Variants in EPG5 observed in about 807,000 individuals in gnomAD.
EPG5 encodes the protein ectopic P-granules 5 autophagy tethering factor.
EPG5 carries 159 observed loss-of-function variants against 302.7 expected under a neutral mutation model. The observed-to-expected ratio is 0.53, with a 90% CI of 0.46 to 0.60. The LOEUF is 0.60. EPG5 is among the 20% of genes least tolerant of loss of function. The pLI, the probability that EPG5 is intolerant of heterozygous loss-of-function variation, is 0.00. For synonymous variants in EPG5, 1,158 were observed against 1,136.8 expected (o/e 1.02, Z -0.37); for missense variants, 2,896 against 3,092.4 (o/e 0.94, Z 1.51).
intron 27 of EPG5, among the ~76,000 whole-genome samples, chr18:45,898,363 G>C (rs942821139): frequency 9.9e-5 from 15 of 152,142 alleles, no homozygotes; most frequent in South Asian, 2.1e-4. Context: ...TATGATAAAG[G>C]CCACCTTGCA....
At chr18:45,937,204 T>C in intron 10 of EPG5, among the ~76,000 whole-genome samples, 1 of 143,526 alleles carries the variant, frequency 7.0e-6, no homozygotes, top group South Asian at 2.2e-4. Flanking sequence ...TGGCAGACAT[T>C]CAGGAAGTCT....
At position 45,852,473 on chromosome 18, in the gene EPG5, T is replaced by C; in HGVS notation, c.7734A>G (p.Ile2578Met). The C allele has an allele frequency of 6.2e-7, 1 of 1,613,628 alleles. No homozygotes were observed. Among genetic ancestry groups the C allele is most frequent in the African/African-American group, 1.3e-5 (1 of 75,004 alleles). Reference protein sequence around the residue: ...LYPEVHYLDHIR With the variant: ...LYPEVHYLDHMR Reference sequence around the variant, plus strand: ...TCAAGAGCCTCAGTGTTAACTATCGTATGTGGTCCAAATAATGCACTTCTG... The same window carrying C: ...TCAAGAGCCTCAGTGTTAACTATCGCATGTGGTCCAAATAATGCACTTCTG... Residue 2578 changes from isoleucine to methionine, a missense_variant, in exon 44 of 44, where the codon ATA (isoleucine) becomes ATG (methionine). Coordinates refer to ENST00000282041, the MANE Select transcript of EPG5 (RefSeq NM_020964.3).
chr18:45,951,277 GTGTTTTTGGGGGAAT>G (rs1197935691), intron 3 of EPG5, 39 bp from the exon 4 acceptor site: 5 of 1,363,520 alleles, frequency 3.7e-6, no homozygotes, highest in Non-Finnish European at 4.8e-6. Context: ...CTCATAAATG[GTGTTTTTGGGGGAAT>G]TTTTAGTGTC....
rs1172025423 is a variant in EPG5 at position 45,935,786 on chromosome 18, C to T, written c.2100-820G>A. ...AACAAAGTTCAAATTCCTCAGCCCACATTCAAAGGCTTCCACAGTATGGCT... is the reference window on the plus strand; with the variant it reads ...AACAAAGTTCAAATTCCTCAGCCCATATTCAAAGGCTTCCACAGTATGGCT... On this transcript the variant is annotated intron_variant, in intron 10 of 43. Coordinates refer to ENST00000282041, the MANE Select transcript of EPG5 (RefSeq NM_020964.3). 2.0e-5 allele frequency among the ~76,000 whole-genome samples: 3 copies of T among 152,192 alleles called. No individual in the cohort carries two copies. The East Asian group carries it at 5.8e-4, about 29-fold the overall frequency.
chr18:45,803,728 A>C, the EPG5 span, among the ~76,000 whole-genome samples: 1 of 152,316 alleles, frequency 6.6e-6, no homozygotes, highest in South Asian at 2.1e-4. Context: ...TCTAAGGGTG[A>C]AAGAACAAAA....
the EPG5 span, among the ~76,000 whole-genome samples, chr18:45,827,400 A>G: frequency 5.9e-5 from 9 of 152,170 alleles, no homozygotes; most frequent in Admixed American, 3.3e-4. Context: ...CTGACAGGGA[A>G]GGAGCTATCT....
At chr18:45,836,189 G>A in the EPG5 span, among the ~76,000 whole-genome samples, 2 of 152,110 alleles carry the variant, frequency 1.3e-5, no homozygotes, top group African/African-American at 4.8e-5. Flanking sequence ...TGGGCTTGGG[G>A]TCAGAAAAGT....
At position 45,913,842 on chromosome 18, in the gene EPG5, A is replaced by T; in HGVS notation, c.3694-14T>A. ...GGCAAACCAGACCTATAATGACACC[A>T]GATAAAGGGGAGGGGAAGGAGGAGC... On this transcript the variant is annotated splice_polypyrimidine_tract_variant and intron_variant, in intron 20 of 43. Transcript: ENST00000282041. 6.2e-7 allele frequency: 1 copy of T among 1,612,574 alleles called. No individual in the cohort carries two copies. Among genetic ancestry groups the T allele is most frequent in the Non-Finnish European group, 8.5e-7 (1 of 1,179,500 alleles).
intron 28 of EPG5, among the ~76,000 whole-genome samples, chr18:45,889,558 C>T (rs1713105597): frequency 6.6e-6 from 1 of 152,122 alleles, no homozygotes. Context: ...CCACTCAATC[C>T]TTCTGCTGCA....
intron 36 of EPG5, 51 bp from the exon 37 acceptor site, chr18:45,867,799 T>C (rs758718712): frequency 6.8e-7 from 1 of 1,461,852 alleles, no homozygotes; most frequent in Non-Finnish European, 9.4e-7. Flanking sequence ...TATCTATGTA[T>C]CTGGAAAATG....
At position 45,904,129 on chromosome 18, in the gene EPG5, C is replaced by G. The variant is rs770404883; in HGVS notation, c.4330-12G>C. ...TCCATCCACAGATCCTGAAACAGAA[C>G]GACAGTACTTTAACTCTGACAGACA... On this transcript the variant is annotated splice_polypyrimidine_tract_variant and intron_variant, in intron 24 of 43. Coordinates refer to ENST00000282041, the MANE Select transcript of EPG5 (RefSeq NM_020964.3). 5.6e-6 allele frequency: 9 copies of G among 1,606,156 alleles called. No homozygotes were observed. In the Admixed American group the frequency reaches 1.6e-4, roughly 28 times the overall value.
Position 45,878,437 on chromosome 18 carries a change from G to A in EPG5, c.5881C>T (p.Leu1961=), listed in dbSNP as rs528443920. ...TASRKTVLKS[L]HSVIIQLFKP... ...AAGAGCTGAATGATTACTGAATGTA[G>A]GGATTTCAGCACTAAAAAGTTTTAG... Residue 1961 remains leucine, a synonymous_variant, in exon 34 of 44, where the codon CTA becomes TTA. Coordinates refer to ENST00000282041, the MANE Select transcript of EPG5 (RefSeq NM_020964.3). 6.2e-7 allele frequency: 1 copy of A among 1,611,258 alleles called. No individual in the cohort carries two copies. Among genetic ancestry groups the A allele is most frequent in the South Asian group, 1.1e-5 (1 of 90,970 alleles).
At chr18:45,930,929 C>T in intron 11 of EPG5, 99 bp from the exon 12 acceptor site, 2 of 1,162,116 alleles carry the variant, frequency 1.7e-6, no homozygotes, top group Non-Finnish European at 2.3e-6. Context: ...TTTAAAGATA[C>T]AAAAGGTCTT....
At chr18:45,936,571 T>C (rs1303303907) in intron 10 of EPG5, among the ~76,000 whole-genome samples, 1 of 151,596 alleles carries the variant, frequency 6.6e-6, no homozygotes, top group East Asian at 1.9e-4. Flanking sequence ...CTACTAAAAA[T>C]ATAAAAATTA....
chr18:45,938,985 G>A (rs117874729), intron 10 of EPG5, among the ~76,000 whole-genome samples: 2,109 of 152,294 alleles, frequency 0.014, 32 homozygotes, highest in Admixed American at 0.018. Flanking sequence ...ATCTCCTAGC[G>A]GAGGGCATAA....
intron 34 of EPG5, among the ~76,000 whole-genome samples, chr18:45,876,786 A>AT (rs887769565): frequency 3.4e-3 from 501 of 146,536 alleles, no homozygotes; most frequent in African/African-American, 9.0e-3. Context: ...AGCAAATAAA[A>AT]TTTTTTTTTT....
At chr18:45,930,861 G>T in intron 11 of EPG5, 31 bp from the exon 12 acceptor site, 1 of 1,548,712 alleles carries the variant, frequency 6.5e-7, no homozygotes, top group East Asian at 2.3e-5. Context: ...AATTAGAGTG[G>T]GGAAAGAATA....
chr18:45,920,555 A>C (rs928772892), intron 16 of EPG5, among the ~76,000 whole-genome samples: 2 of 152,364 alleles, frequency 1.3e-5, no homozygotes, highest in South Asian at 2.1e-4. Flanking sequence ...GGCTGCGTCC[A>C]CACATGGCAG....
rs1309399920 is a variant in EPG5, at chr18:45,870,742, T to C, written c.6050A>G (p.Asp2017Gly). Reference protein sequence around the residue: ...CIDSLHESFKDKLLPGDAGAL... With the variant: ...CIDSLHESFKGKLLPGDAGAL... ...TCCTGCATCACCTGGCAACAGCTTA[T>C]CTAGAATGTGAAAAGAAAATAGAGC... Residue 2017 changes from aspartate (D) to glycine (G), a missense_variant and splice_region_variant, in exon 36 of 44, where the codon GAT (aspartate) becomes GGT (glycine). Physicochemically the swap from Asp to Gly is moderately conservative, Grantham distance 94. This residue lies in a region of EPG5 where 620 missense variants were observed against 704.2 expected (regional missense o/e 0.88). Coordinates refer to ENST00000282041, the MANE Select transcript of EPG5 (RefSeq NM_020964.3). The C allele has an allele frequency of 6.3e-7, 1 of 1,584,402 alleles. No individual in the cohort carries two copies. Among genetic ancestry groups the C allele is most frequent in the Admixed American group, 1.7e-5 (1 of 58,418 alleles).
Sources: gnomAD v4.1 joint callset for allele counts (sites outside exome capture counted in the v4.1 genomes callset) on GRCh38, gnomAD v4.1.1 for gene constraint, gnomAD v4.1.1 regional missense constraint, MANE v1.5 for transcripts, NCBI Gene and HGNC (gene_info 2026-07-23, HGNC 2026-07-21) for gene names.